Variants in MTHFD1 observed in about 807,000 individuals in gnomAD.
MTHFD1 encodes the protein C-1-tetrahydrofolate synthase, cytoplasmic.
MTHFD1 carries 44 observed loss-of-function variants against 110.3 expected under a neutral mutation model. The ratio of observed to expected loss-of-function variants is 0.40; its 90% confidence interval spans 0.31 to 0.51. The LOEUF (loss-of-function observed/expected upper bound fraction) is 0.51, where lower values mean the gene tolerates loss of function less well. Ranked by LOEUF, MTHFD1 falls within the 20% of genes least tolerant of loss-of-function variation. The pLI is 0.60. For synonymous variants in MTHFD1, 402 were observed against 428.8 expected, an observed-to-expected ratio of 0.94 and a Z score of 0.77; for missense variants, 909 against 1,173.1, an observed-to-expected ratio of 0.77 and a Z score of 3.29.
chr14:64,427,444 C>G lies in MTHFD1; in HGVS notation c.1235C>G (p.Pro412Arg). 1 of 1,614,204 alleles carries G rather than the reference C, an allele frequency of 6.2e-7. No homozygotes were observed. The highest frequency in any genetic ancestry group is 8.5e-7 in the Non-Finnish European group (1 of 1,180,030). ...YQNVFACVRQ[P>R]SQGPTFGIKG... ...AATGTCTTTGCGTGTGTGCGACAGC[C>G]TTCTCAGGGCCCCACCTTTGGAATA... Residue 412 changes from proline to arginine, a missense_variant, in exon 12 of 28, where the codon CCT (proline) becomes CGT (arginine). Transcript: ENST00000652337.
At chr14:64,411,744 AC>A (rs2077986448) in intron 3 of MTHFD1, among the ~76,000 whole-genome samples, 4 of 152,278 alleles carry the variant, frequency 2.6e-5, no homozygotes, top group African/African-American at 9.6e-5. Context: ...TACTAAAAAT[AC>A]AAAAAATTAG....
rs887673594 is a variant in MTHFD1, at chr14:64,419,809, C to T, written c.616-5C>T. 4.4e-6 allele frequency: 7 copies of T among 1,601,174 alleles called. No homozygotes were observed. Among genetic ancestry groups the T allele is most frequent in the East Asian group, 2.2e-5 (1 of 44,842 alleles). On this transcript the variant is annotated splice_region_variant and splice_polypyrimidine_tract_variant and intron_variant, in intron 7 of 27. Coordinates refer to ENST00000652337, the MANE Select transcript of MTHFD1 (RefSeq NM_005956.4). Reference sequence around the variant, plus strand: ...ATTTCTGATGTCCAAATCCCCTACCCCTAGGTAAATAAAGGTGACATCCTG... The same window carrying T: ...ATTTCTGATGTCCAAATCCCCTACCTCTAGGTAAATAAAGGTGACATCCTG...
intron 8 of MTHFD1, among the ~76,000 whole-genome samples, chr14:64,420,352 G>GA (rs1237346095): frequency 6.6e-6 from 1 of 152,130 alleles, no homozygotes; most frequent in East Asian, 1.9e-4. Context: ...GAAGATATTT[G>GA]ACCTGGGTTT....
At chr14:64,429,818 T>G (rs972243834) in intron 12 of MTHFD1, among the ~76,000 whole-genome samples, 2 of 152,190 alleles carry the variant, frequency 1.3e-5, no homozygotes, top group African/African-American at 2.4e-5. Flanking sequence ...AGTCTTTTTG[T>G]TAGGTGTATG....
At chr14:64,406,519 G>T (rs1315491151) in intron 2 of MTHFD1, among the ~76,000 whole-genome samples, 1 of 143,650 alleles carries the variant, frequency 7.0e-6, no homozygotes, top group Non-Finnish European at 1.5e-5. Context: ...TTGAGACAGG[G>T]TCTCACTCTG....
At chr14:64,416,213 C>G (rs943676999) in intron 6 of MTHFD1, among the ~76,000 whole-genome samples, 1 of 152,090 alleles carries the variant, frequency 6.6e-6, no homozygotes, top group African/African-American at 2.4e-5. Context: ...TGACTGCACT[C>G]CAGCCTGGGC....
In MTHFD1 at chr14:64,449,448, G is replaced by A. The variant is rs777230520; in HGVS notation, c.2283G>A (p.Thr761=). Residue 761 remains threonine, a synonymous_variant, in exon 24 of 28, where the codon ACG becomes ACA. Coordinates refer to ENST00000652337, the MANE Select transcript of MTHFD1 (RefSeq NM_005956.4). ...ATATGAAATGCTTCCTTTATAGGAC[G>A]GATACAGAGTCTGAGCTGGACCTCA... is the stretch of plus-strand genomic sequence containing the variant. ...PVVVAVNAFK[T]DTESELDLIS... The A allele has an allele frequency of 1.5e-5, 25 of 1,613,048 alleles. No homozygotes were observed. The highest frequency in any genetic ancestry group is 1.9e-4 in the Middle Eastern group (1 of 5,296).
intron 1 of MTHFD1, 47 bp downstream of exon 1, chr14:64,388,515 T>A (rs756716406): frequency 1.9e-6 from 3 of 1,575,746 alleles, no homozygotes; most frequent in Non-Finnish European, 2.6e-6. Flanking sequence ...GGACGAGGGC[T>A]CTGAGGGTGT....
chr14:64,451,827 A>C (rs1034809654), intron 24 of MTHFD1, among the ~76,000 whole-genome samples: 1 of 152,230 alleles, frequency 6.6e-6, no homozygotes, highest in Admixed American at 6.5e-5. Context: ...GTGCCTTGGC[A>C]TTTATAGAGC....
At chr14:64,433,163 C>G (rs922791013) in intron 15 of MTHFD1, among the ~76,000 whole-genome samples, 4 of 152,116 alleles carry the variant, frequency 2.6e-5, no homozygotes, top group African/African-American at 9.7e-5. Context: ...ACTCTATCTC[C>G]CAGGCTGGAG....
chr14:64,441,037 A>G (rs1210578277), intron 18 of MTHFD1: 4 of 345,530 alleles, frequency 1.2e-5, no homozygotes, highest in Non-Finnish European at 1.7e-5. Flanking sequence ...TAAAAATACA[A>G]AAAAATTAGC....
Position 64,439,112 on chromosome 14 carries a change from T to C in MTHFD1, c.1614T>C (p.Asp538=). 1 of 1,613,992 alleles carries C rather than the reference T, an allele frequency of 6.2e-7. No homozygotes were observed. The change falls in exon 17 of 28, where the codon GAT becomes GAC. Residue 538 remains aspartate, a synonymous_variant. Transcript: ENST00000652337. ...CTGCTGTAGTGTTGGATACCAATGA[T>C]AGATTCCTGAGGAAGATCACGATTG... ...ITWQRVLDTN[D]RFLRKITIGQ...
chr14:64,449,847 G>C (rs1240650594), intron 24 of MTHFD1, among the ~76,000 whole-genome samples: 1 of 152,212 alleles, frequency 6.6e-6, no homozygotes, highest in Non-Finnish European at 1.5e-5. Context: ...CGAGTGCAGA[G>C]GCATGATCTC....
At chr14:64,450,749 T>G (rs922376662) in intron 24 of MTHFD1, among the ~76,000 whole-genome samples, 4 of 152,180 alleles carry the variant, frequency 2.6e-5, no homozygotes, top group African/African-American at 9.7e-5. Flanking sequence ...GCTCTGTTGC[T>G]CAGGCTGGAG....
Position 64,412,357 on chromosome 14 carries a change from A to G in MTHFD1, c.187-115A>G, listed in dbSNP as rs2077991140. On this transcript the variant is annotated intron_variant, in intron 3 of 27. Transcript: ENST00000652337. The stretch of plus-strand genomic sequence containing the variant: ...GTGAGGGACTCATTCTTCAGAACAT[A>G]TAAGGGTGAAATGATGACCAACACC... The G allele has an allele frequency of 5.0e-6, 4 of 794,040 alleles. No homozygotes were observed. The South Asian group carries it at 5.6e-5, about 11-fold the overall frequency. The allele number at this position is 794,040 out of a possible 1,614,324, so 49.2% of individuals were successfully genotyped here.
intron 26 of MTHFD1, among the ~76,000 whole-genome samples, chr14:64,457,062 T>C (rs1379833962): frequency 6.6e-6 from 1 of 152,212 alleles, no homozygotes; most frequent in Non-Finnish European, 1.5e-5. Flanking sequence ...ACAAATATAA[T>C]TTGTAAGCAT....
intron 1 of MTHFD1, among the ~76,000 whole-genome samples, chr14:64,396,455 G>A (rs556823864): frequency 1.4e-5 from 2 of 144,828 alleles, no homozygotes; most frequent in African/African-American, 2.6e-5. Context: ...GCAATGGCGC[G>A]ATCTCGGCTC....
intron 1 of MTHFD1, among the ~76,000 whole-genome samples, chr14:64,396,558 A>AT (rs71123843): frequency 0.33 from 41,765 of 126,678 alleles, 7,662 homozygotes; most frequent in South Asian, 0.45. Context: ...CTCCCAGTTA[A>AT]TTTTTTTTTT....
intron 1 of MTHFD1, among the ~76,000 whole-genome samples, chr14:64,395,195 C>CT (rs1166821305): frequency 6.6e-6 from 1 of 152,210 alleles, no homozygotes. Flanking sequence ...AAATTGTGGC[C>CT]TAGAGGCCAA....
Sources: allele counts gnomAD v4.1 joint callset (sites outside exome capture counted in the v4.1 genomes callset), GRCh38; gene constraint gnomAD v4.1.1; transcripts MANE v1.5; gene names NCBI Gene and HGNC (gene_info 2026-07-23, HGNC 2026-07-21).